Variants in LSAMP observed in about 807,000 individuals in gnomAD.
The protein encoded by LSAMP is limbic system associated membrane protein.
In LSAMP, 7 loss-of-function variants were observed where a neutral mutation model predicts 38.6. That is an observed-to-expected ratio of 0.18 (90% confidence interval 0.10 to 0.34). The LOEUF is 0.34. Among genes scored for constraint, LSAMP ranks in the 10% least tolerant of loss-of-function variants. LSAMP has a pLI of 1.00. For missense variants in LSAMP, 313 were observed against 420.0 expected (o/e 0.75, Z 2.23); for synonymous variants, 154 against 166.8 (o/e 0.92, Z 0.59).
chr3:116,066,641 G>A (rs1707442699), intron 2 of LSAMP, among the ~76,000 whole-genome samples: 1 of 152,080 alleles, frequency 6.6e-6, no homozygotes, highest in African/African-American at 2.4e-5. Context: ...TCCATTTGAA[G>A]ACCCCACCCA....
intron 3 of LSAMP, among the ~76,000 whole-genome samples, chr3:115,914,008 A>G (rs1242265309): frequency 6.6e-6 from 1 of 152,198 alleles, no homozygotes; most frequent in African/African-American, 2.4e-5. Context: ...TAAAAAGAAA[A>G]GAAGGAAAGT....
At chr3:116,003,554 AC>A (rs1434802628) in intron 3 of LSAMP, among the ~76,000 whole-genome samples, 3 of 152,080 alleles carry the variant, frequency 2.0e-5, no homozygotes, top group Non-Finnish European at 2.9e-5. Context: ...ACAAGTCCTT[AC>A]CCCCAGTACC....
chr3:116,291,628 C>G (rs1283422865), intron 1 of LSAMP, among the ~76,000 whole-genome samples: 1 of 152,150 alleles, frequency 6.6e-6, no homozygotes, highest in East Asian at 1.9e-4. Flanking sequence ...AGGGATCTAT[C>G]TAAACTTTCA....
At chr3:116,172,112 A>C (rs1214646690) in intron 1 of LSAMP, among the ~76,000 whole-genome samples, 1 of 151,964 alleles carries the variant, frequency 6.6e-6, no homozygotes, top group Non-Finnish European at 1.5e-5. Context: ...AAATAAATAA[A>C]TTTATATATT....
At chr3:116,031,517 C>G (rs1940920933) in intron 2 of LSAMP, among the ~76,000 whole-genome samples, 1 of 124,538 alleles carries the variant, frequency 8.0e-6, no homozygotes, top group Non-Finnish European at 1.6e-5. Context: ...TGATTTCATG[C>G]CTACATAACT....
chr3:116,034,915 G>A (rs181000451), intron 2 of LSAMP, among the ~76,000 whole-genome samples: 9 of 152,258 alleles, frequency 5.9e-5, no homozygotes, highest in South Asian at 4.1e-4. Flanking sequence ...CCAAAGAAAC[G>A]TAAAAGAATG....
chr3:116,306,614 G>C (rs1479199768), intron 1 of LSAMP, among the ~76,000 whole-genome samples: 2 of 151,978 alleles, frequency 1.3e-5, no homozygotes, highest in Non-Finnish European at 2.9e-5. Context: ...CCTGGGCTTA[G>C]TGGAATAAAC....
chr3:116,278,106 T>C (rs2047078553), intron 1 of LSAMP, among the ~76,000 whole-genome samples: 2 of 152,182 alleles, frequency 1.3e-5, no homozygotes, highest in African/African-American at 4.8e-5. Flanking sequence ...GTAAAATCCT[T>C]TGAGAGTGCT....
At chr3:116,037,872 A>G (rs1398079970) in intron 2 of LSAMP, among the ~76,000 whole-genome samples, 1 of 152,134 alleles carries the variant, frequency 6.6e-6, no homozygotes, top group African/African-American at 2.4e-5. Context: ...TCAGTGGTAT[A>G]AGCTTATTCT....
At chr3:116,177,726 T>C (rs1300129821) in intron 1 of LSAMP, among the ~76,000 whole-genome samples, 1 of 152,182 alleles carries the variant, frequency 6.6e-6, no homozygotes, top group African/African-American at 2.4e-5. Flanking sequence ...CAGGTTTCTC[T>C]TGTGGCCTAG....
chr3:116,405,999 T>C (rs1470888057), intron 1 of LSAMP, among the ~76,000 whole-genome samples: 1 of 152,162 alleles, frequency 6.6e-6, no homozygotes, highest in East Asian at 1.9e-4. Flanking sequence ...TTTCTAGTTG[T>C]TTCCTATATT....
rs557997320 is a variant in LSAMP, at chr3:116,334,655, T to G, written c.155+110222A>C. 2.0e-5 allele frequency among the ~76,000 whole-genome samples: 3 copies of G among 152,210 alleles called. No individual in the cohort carries two copies. In the East Asian group the frequency reaches 5.8e-4, roughly 29 times the overall value. Reference sequence around the variant, plus strand: ...TGAAGGAAAATAAAAAACACCTGATTATCTCAGTTGATGTAAAGATGATAG... The same window carrying G: ...TGAAGGAAAATAAAAAACACCTGATGATCTCAGTTGATGTAAAGATGATAG... On this transcript the variant is annotated intron_variant, in intron 1 of 6. Transcript: ENST00000490035.
At position 115,931,142 on chromosome 3, in the gene LSAMP, G is replaced by A. The variant is rs542635903; in HGVS notation, c.515-78525C>T. 4.6e-5 allele frequency among the ~76,000 whole-genome samples: 7 copies of A among 152,108 alleles called. No homozygotes were observed. The South Asian group carries it at 6.2e-4, about 14-fold the overall frequency. ...AGCACCCCACTTCCTCCTTCCACCC[G>A]GGATTTCCCACCAGATGGGGAGAGA... On this transcript the variant is annotated intron_variant, in intron 3 of 6. Coordinates refer to ENST00000490035, the MANE Select transcript of LSAMP (RefSeq NM_002338.5).
intron 1 of LSAMP, among the ~76,000 whole-genome samples, chr3:116,234,666 C>T (rs888507631): frequency 2.0e-5 from 3 of 152,038 alleles, no homozygotes; most frequent in African/African-American, 7.2e-5. Flanking sequence ...ATAACTAAAA[C>T]AAGCCCTCTA....
At chr3:116,075,592 A>C (rs983991373) in intron 2 of LSAMP, among the ~76,000 whole-genome samples, 39 of 146,776 alleles carry the variant, frequency 2.7e-4, no homozygotes, top group Admixed American at 1.0e-3. Context: ...CCCAGGCTGG[A>C]GTGCAGTGGC....
intron 3 of LSAMP, among the ~76,000 whole-genome samples, chr3:115,915,353 T>C (rs1446051290): frequency 2.0e-5 from 3 of 152,252 alleles, no homozygotes; most frequent in African/African-American, 7.2e-5. Flanking sequence ...TCTGCTTGCC[T>C]AGTTGTAAAA....
At chr3:116,372,974 AACAC>A (rs2048448810) in intron 1 of LSAMP, among the ~76,000 whole-genome samples, 2 of 151,470 alleles carry the variant, frequency 1.3e-5, no homozygotes, top group Non-Finnish European at 3.0e-5. Context: ...GTGGAATACC[AACAC>A]CTGTACCATT....
At chr3:116,405,016 G>C (rs149830355) in intron 1 of LSAMP, among the ~76,000 whole-genome samples, 3 of 152,170 alleles carry the variant, frequency 2.0e-5, no homozygotes, top group African/African-American at 7.2e-5. Context: ...GGAATAAAAA[G>C]AGCCCAAAAT....
At chr3:116,107,114 A>T (rs934467987) in intron 1 of LSAMP, among the ~76,000 whole-genome samples, 3 of 152,104 alleles carry the variant, frequency 2.0e-5, no homozygotes, top group South Asian at 2.1e-4. Context: ...AGAAGGAAAT[A>T]TGGGGAAATG....
Sources: allele counts gnomAD v4.1 joint callset (sites outside exome capture counted in the v4.1 genomes callset), GRCh38; gene constraint gnomAD v4.1.1; transcripts MANE v1.5; gene names NCBI Gene and HGNC (gene_info 2026-07-23, HGNC 2026-07-21).